The following CFLAR variants were observed in gnomAD, a reference collection of about 807,000 sequenced individuals.
CFLAR encodes the protein CASP8 and FADD like apoptosis regulator.
Under a neutral mutation model 51.1 loss-of-function variants are expected in CFLAR, and 14 were observed. The ratio of observed to expected loss-of-function variants is 0.27; its 90% CI spans 0.18 to 0.43. The LOEUF is 0.43. Ranked by LOEUF, CFLAR falls within the 20% of genes least tolerant of loss-of-function variation. The pLI is 1.00. For synonymous variants in CFLAR, 210 were observed against 211.6 expected (o/e 0.99, Z 0.06); for missense variants, 390 against 566.5 (o/e 0.69, Z 3.16).
intron 8 of CFLAR, among the ~76,000 whole-genome samples, chr2:201,157,338 G>T (rs1017771614): frequency 1.3e-5 from 2 of 151,968 alleles, no homozygotes; most frequent in African/African-American, 4.8e-5. Flanking sequence ...ATGGGGTTTC[G>T]CCATGTTGCC....
At chr2:201,158,837 G>A (rs1182086374) in intron 8 of CFLAR, among the ~76,000 whole-genome samples, 1 of 143,126 alleles carries the variant, frequency 7.0e-6, no homozygotes, top group Non-Finnish European at 1.5e-5. Flanking sequence ...ATCCTGTAAC[G>A]GCATTTGCCC....
chr2:201,119,690 T>A (rs1230698210), intron 1 of CFLAR, among the ~76,000 whole-genome samples: 1 of 152,190 alleles, frequency 6.6e-6, no homozygotes, highest in African/African-American at 2.4e-5. Flanking sequence ...GCTTCAGGAT[T>A]GTACCTAACA....
intron 1 of CFLAR, among the ~76,000 whole-genome samples, chr2:201,126,493 T>G (rs1489726188): frequency 6.6e-6 from 1 of 152,208 alleles, no homozygotes; most frequent in Non-Finnish European, 1.5e-5. Context: ...TGTCTGGCTC[T>G]CTTAGCTAAG....
Position 201,140,400 on chromosome 2 carries a change from A to C in CFLAR, c.567A>C (p.Ala189=), listed in dbSNP as rs138647536. 1.3e-5 allele frequency: 21 copies of C among 1,610,958 alleles called. No individual in the cohort carries two copies. The highest frequency in any genetic ancestry group is 1.8e-5 in the Non-Finnish European group (21 of 1,179,314). Residue 189 remains alanine, a synonymous_variant, in exon 5 of 10, where the codon GCA becomes GCC. Coordinates refer to ENST00000309955, the MANE Select transcript of CFLAR (RefSeq NM_003879.7). ...GTSYRNVLQA[A]IQKSLKDPSN... ...GTTACAGGAATGTTCTCCAAGCAGC[A>C]ATCCAAAAGAGTCTCAAGGATCCTT...
chr2:201,171,068 T>C lies in CFLAR; in HGVS notation c.*7095T>C, dbSNP rs1943978865. 1 of 152,172 alleles carries C rather than the reference T, an allele frequency of 6.6e-6. No homozygotes were observed. Among genetic ancestry groups the C allele is most frequent in the Non-Finnish European group, 1.5e-5 (1 of 68,036 alleles). The allele number at this position is 152,172 out of a possible 1,614,324, so 9.4% of individuals were successfully genotyped here. ...CTGAGGAATGGAAAACCAAACATTG[T>C]ATGTTCTCACTCATAAGTGGGAGAT... On this transcript the variant is annotated 3_prime_UTR_variant, in exon 10 of 10. Transcript: ENST00000309955.
chr2:201,149,367 A>T, intron 7 of CFLAR: 1 of 301,858 alleles, frequency 3.3e-6, no homozygotes, highest in Admixed American at 4.7e-5. Flanking sequence ...TCTTAGGTTG[A>T]CACCTCTTTG....
At chr2:201,160,190 G>A (rs905221426) in intron 8 of CFLAR, among the ~76,000 whole-genome samples, 1 of 152,076 alleles carries the variant, frequency 6.6e-6, no homozygotes, top group African/African-American at 2.4e-5. Context: ...GCCTGTGGCT[G>A]GCATCAGGCA....
chr2:201,146,317 T>G (rs568649670), intron 6 of CFLAR: 1 of 152,316 alleles, frequency 6.6e-6, no homozygotes, highest in South Asian at 2.1e-4. Context: ...CAGTTTATTT[T>G]TGTATTTTTA....
chr2:201,145,250 C>G (rs1939875141), intron 5 of CFLAR, 128 bp from the exon 6 acceptor site: 1 of 576,786 alleles, frequency 1.7e-6, no homozygotes, highest in Admixed American at 3.1e-5. Flanking sequence ...GATAATTTAA[C>G]TGTTGGGACG....
chr2:201,156,473 C>G (rs578126802), intron 8 of CFLAR, among the ~76,000 whole-genome samples: 1 of 152,200 alleles, frequency 6.6e-6, no homozygotes, highest in African/African-American at 2.4e-5. Flanking sequence ...ACTGGTGAAG[C>G]ATTCCCTCAT....
chr2:201,138,618 G>A lies in CFLAR; in HGVS notation c.524-1739G>A, dbSNP rs528708693. The A allele has an allele frequency of 3.9e-4, 612 of 1,551,702 alleles. No homozygotes were observed. Among genetic ancestry groups the A allele is most frequent in the Non-Finnish European group, 5.1e-4 (577 of 1,138,262 alleles). On this transcript the variant is annotated intron_variant, in intron 4 of 9. Transcript: ENST00000309955. The surrounding 1 kb of genome is among the most constrained non-coding windows in gnomAD (Gnocchi z 4.0). ...CACCAGCTTGCTGCCCATGGTACCC[G>A]TCTCAGTGATGGGGATGCCAGAGAA...
At chr2:201,149,614 G>A (rs768404017) in intron 7 of CFLAR, 140 bp from the exon 8 acceptor site, 62 of 580,446 alleles carry the variant, frequency 1.1e-4, no homozygotes, top group South Asian at 2.9e-4. Context: ...AACATTTGCC[G>A]TAATGGGAAA....
At chr2:201,152,266 G>T (rs1453658143) in intron 8 of CFLAR, among the ~76,000 whole-genome samples, 1 of 152,034 alleles carries the variant, frequency 6.6e-6, no homozygotes, top group East Asian at 1.9e-4. Flanking sequence ...AAAGTGCTGG[G>T]ATTACAGGCA....
In CFLAR at chr2:201,169,713, A is replaced by G. The variant is rs1943896284; in HGVS notation, c.*5740A>G. The G allele has an allele frequency of 2.0e-5, 3 of 152,186 alleles. No homozygotes were observed. 9.4% of individuals were successfully genotyped at this position (152,186 alleles called of 1,614,324 possible). On this transcript the variant is annotated 3_prime_UTR_variant, in exon 10 of 10. Transcript: ENST00000309955. ...ATTTTTGCAATCTATCCATCTGACAAAGGTCTAATATCCAGAACCTACAAG... is the reference window on the plus strand; with the variant it reads ...ATTTTTGCAATCTATCCATCTGACAGAGGTCTAATATCCAGAACCTACAAG...
At position 201,118,381 on chromosome 2, in the gene CFLAR, C is replaced by G. The variant is rs934917188; in HGVS notation, c.-138+1900C>G. On this transcript the variant is annotated intron_variant, in intron 1 of 9. Transcript: ENST00000309955. This position sits in a 1 kb window ranked among gnomAD's most constrained non-coding sequence, Gnocchi z 5.1. ...GCCGGATAGTGTGCAGTTTTTTGAG[C>G]CTTGGGCTGGGGACCTCCAGGAAGC... 2.6e-5 allele frequency: 4 copies of G among 152,134 alleles called. No homozygotes were observed. The highest frequency in any genetic ancestry group is 5.9e-5 in the Non-Finnish European group (4 of 68,068). 9.4% of individuals were successfully genotyped at this position (152,134 alleles called of 1,614,324 possible).
At chr2:201,125,400 G>A (rs2048579786) in intron 1 of CFLAR, among the ~76,000 whole-genome samples, 1 of 152,126 alleles carries the variant, frequency 6.6e-6, no homozygotes, top group Non-Finnish European at 1.5e-5. Flanking sequence ...GCTTTTTTGA[G>A]GGTTTGGCTT....
chr2:201,163,244 ATTGG>A, intron 9 of CFLAR: 1 of 1,300,424 alleles, frequency 7.7e-7, no homozygotes, highest in Non-Finnish European at 9.8e-7. Flanking sequence ...TTTAATGTTT[ATTGG>A]CAAGAATACT....
intron 9 of CFLAR, chr2:201,162,852 T>G (rs1943197576): frequency 1.8e-6 from 1 of 565,924 alleles, no homozygotes; most frequent in South Asian, 2.0e-5. Flanking sequence ...ATCAGTTTAA[T>G]GTATGCACAA....
In CFLAR at chr2:201,140,764, T is replaced by G. The variant is rs569915301; in HGVS notation, c.606+325T>G. The G allele has an allele frequency of 1.5e-4, 15 of 102,982 alleles. No individual in the cohort carries two copies. The South Asian group carries it at 3.0e-3, about 21-fold the overall frequency. 6.4% of individuals were successfully genotyped at this position (102,982 alleles called of 1,614,324 possible). On this transcript the variant is annotated intron_variant, in intron 5 of 9. Coordinates refer to ENST00000309955, the MANE Select transcript of CFLAR (RefSeq NM_003879.7). ...GCATCTGTATCTGTATGTATGTATATATATATATATATACATACATACATA... is the reference window on the plus strand; with the variant it reads ...GCATCTGTATCTGTATGTATGTATAGATATATATATATACATACATACATA...
Sources: gnomAD v4.1 joint callset for allele counts (sites outside exome capture counted in the v4.1 genomes callset) on GRCh38, gnomAD v4.1.1 for gene constraint, Gnocchi (gnomAD v3.1) non-coding constraint, MANE v1.5 for transcripts, NCBI Gene and HGNC (gene_info 2026-07-23, HGNC 2026-07-21) for gene names.